The following IDI1 variants were observed in gnomAD, a reference collection of about 807,000 sequenced individuals.
The protein encoded by IDI1 is isopentenyl-diphosphate Delta-isomerase 1.
IDI1 carries 23 observed loss-of-function variants against 32.9 expected under a neutral mutation model. The ratio of observed to expected loss-of-function variants is 0.70; its 90% CI spans 0.50 to 0.99. The LOEUF is 0.99. Ranked by LOEUF, IDI1 falls within the 50% of genes least tolerant of loss-of-function variation. IDI1 has a pLI of 0.00. For synonymous variants in IDI1, 133 were observed against 128.2 expected (o/e 1.04, Z -0.25); for missense variants, 326 against 351.9 (o/e 0.93, Z 0.59).
In IDI1 at chr10:1,044,137, G is replaced by A. The variant is rs754551250; in HGVS notation, c.175C>T (p.Pro59Ser). ...TCGAGGTGGTTAGTGTTTATTTCAG[G>A]CATCATTACAAAATGTCTGATCTGT... Reference protein sequence around the residue: ...LEQIRHFVMMPEINTNHLDKQ... With the variant: ...LEQIRHFVMMSEINTNHLDKQ... Residue 59 changes from proline to serine, a missense_variant, in exon 2 of 5, where the codon CCT becomes TCT. Coordinates refer to ENST00000381344, the MANE Select transcript of IDI1 (RefSeq NM_004508.4). The A allele has an allele frequency of 2.5e-6, 4 of 1,613,346 alleles. No individual in the cohort carries two copies. Among genetic ancestry groups the A allele is most frequent in the Non-Finnish European group, 2.5e-6 (3 of 1,179,416 alleles).
At position 1,048,906 on chromosome 10, in the gene IDI1, C is replaced by T. The variant is rs771316851; in HGVS notation, c.98G>A (p.Arg33His). The stretch of plus-strand genomic sequence containing the variant: ...ACAGACAACCGCCGGTCCCGGATGG[C>T]GCCCGCTTTGAGCACAGTCTGCGGC... The part of the protein sequence containing the change: ...VRAADCAQSG[R>H]HPGPAVVCGR... The change falls in exon 1 of 5, where the codon CGC becomes CAC. Residue 33 changes from arginine to histidine, a missense_variant. Coordinates refer to ENST00000381344, the MANE Select transcript of IDI1 (RefSeq NM_004508.4). 15 of 1,605,766 alleles carry T rather than the reference C, an allele frequency of 9.3e-6. No individual in the cohort carries two copies. In the African/African-American group the frequency reaches 1.6e-4, roughly 17 times the overall value.
At chr10:1,042,062 C>T (rs1280946497) in intron 4 of IDI1, among the ~76,000 whole-genome samples, 1 of 152,168 alleles carries the variant, frequency 6.6e-6, no homozygotes, top group East Asian at 1.9e-4. Flanking sequence ...CTGCCTCAGC[C>T]TCCCAAAGTG....
intron 1 of IDI1, chr10:1,048,388 C>A: frequency 1.5e-6 from 2 of 1,304,754 alleles, no homozygotes; most frequent in Non-Finnish European, 2.0e-6. Flanking sequence ...GTTGCTGTCA[C>A]CCTCTTGCAC....
chr10:1,046,246 T>A (rs552948463), intron 1 of IDI1, among the ~76,000 whole-genome samples: 1 of 152,340 alleles, frequency 6.6e-6, no homozygotes, highest in Non-Finnish European at 1.5e-5. Context: ...ACAGACTGCA[T>A]ATACTACAGT....
chr10:1,054,317 T>C, the IDI1 span, among the ~76,000 whole-genome samples: 3 of 152,210 alleles, frequency 2.0e-5, no homozygotes, highest in Admixed American at 6.5e-5. Flanking sequence ...CACACATATA[T>C]ATAACTTGAG....
chr10:1,044,043 G>C lies in IDI1; in HGVS notation c.269C>G (p.Ala90Gly). The C allele has an allele frequency of 6.2e-7, 1 of 1,613,180 alleles. No individual in the cohort carries two copies. Among genetic ancestry groups the C allele is most frequent in the Non-Finnish European group, 8.5e-7 (1 of 1,179,684 alleles). The change falls in exon 2 of 5, where the codon GCT becomes GGT. Residue 90 changes from alanine (A) to glycine (G), a missense_variant. By Grantham distance (60) the Ala-to-Gly change is moderately conservative. Transcript: ENST00000381344. The stretch of plus-strand genomic sequence containing the variant: ...CAGGTGACAATTCTTCTTGGTCTCA[G>C]CTCCAATTTTATTGTCATTTTCATC... ...LIDENDNKIGAETKKNCHLNE... is the reference protein window; with the variant it reads ...LIDENDNKIGGETKKNCHLNE...
chr10:1,047,901 T>A (rs1037770932), intron 1 of IDI1, among the ~76,000 whole-genome samples: 18 of 152,260 alleles, frequency 1.2e-4, no homozygotes, highest in African/African-American at 4.3e-4. Flanking sequence ...TATTTTATAA[T>A]GTGCAGTTGG....
Position 1,048,553 on chromosome 10 carries a change from G to A in IDI1, c.140+311C>T, listed in dbSNP as rs149371909. The stretch of plus-strand genomic sequence containing the variant: ...TTAGTCTCCTGCGACTCGGTTTCCA[G>A]TTCCACGAGTTCCTAAACCTCAGGT... On this transcript the variant is annotated intron_variant, in intron 1 of 4. Transcript: ENST00000381344. 3.5e-3 allele frequency: 4,682 copies of A among 1,324,016 alleles called. 11 individuals carry two copies. Among genetic ancestry groups the A allele is most frequent in the Middle Eastern group, 4.7e-3 (16 of 3,386 alleles). The allele number at this position is 1,324,016 out of a possible 1,614,324, so 82.0% of individuals were successfully genotyped here.
intron 1 of IDI1, chr10:1,048,502 A>C: frequency 8.0e-7 from 1 of 1,247,320 alleles, no homozygotes; most frequent in Admixed American, 3.3e-5. Context: ...TTGTTTCTGA[A>C]TTCTCTAAGG....
At chr10:1,043,973 CAAGA>C (rs1832711458) in intron 2 of IDI1, 22 bp downstream of exon 2, 1 of 1,597,918 alleles carries the variant, frequency 6.3e-7, no homozygotes, top group Non-Finnish European at 8.5e-7. Context: ...AATCGCTTTA[CAAGA>C]AAGACTGTTT....
upstream of IDI1, among the ~76,000 whole-genome samples, chr10:1,051,375 G>C (rs1833008967): frequency 6.6e-6 from 1 of 152,194 alleles, no homozygotes; most frequent in South Asian, 2.1e-4. Context: ...TTGGCAACAA[G>C]TACTGAGAAT....
At position 1,048,974 on chromosome 10, in the gene IDI1, C is replaced by A. The variant is rs1164462572; in HGVS notation, c.30G>T (p.Ala10=). 5 of 1,541,010 alleles carry A rather than the reference C, an allele frequency of 3.2e-6. No individual in the cohort carries two copies. The highest frequency in any genetic ancestry group is 1.4e-5 in the African/African-American group (1 of 71,436). The change falls in exon 1 of 5, where the codon GCG becomes GCT. Residue 10 remains alanine (A), a synonymous_variant. Coordinates refer to ENST00000381344, the MANE Select transcript of IDI1 (RefSeq NM_004508.4). The part of the protein sequence containing the change: MWRGLALAR[A]IGCAARGRGQ... The stretch of plus-strand genomic sequence containing the variant: ...CCCGCCCCCGGGCCGCGCAGCCAAT[C>A]GCTCGCGCCAGCGCCAGTCCACGCC...
intron 1 of IDI1, 181 bp downstream of exon 1, chr10:1,048,683 C>G (rs1832879103): frequency 7.1e-7 from 1 of 1,414,814 alleles, no homozygotes; most frequent in East Asian, 2.7e-5. Flanking sequence ...CCCACCACAG[C>G]CCGGGAAGGC....
the IDI1 span, among the ~76,000 whole-genome samples, chr10:1,054,337 AG>A: frequency 1.3e-5 from 2 of 152,240 alleles, no homozygotes; most frequent in East Asian, 3.8e-4. Context: ...GAATTTAGGA[AG>A]CGACATGTCA....
chr10:1,050,017 C>T (rs193007133), upstream of IDI1, among the ~76,000 whole-genome samples: 973 of 152,272 alleles, frequency 6.4e-3, 13 homozygotes, highest in Non-Finnish European at 4.8e-3. Flanking sequence ...ATTTCCTCTA[C>T]CTTTTGTGTG....
intron 1 of IDI1, 138 bp downstream of exon 1, chr10:1,048,726 G>A (rs2131584053): frequency 2.8e-6 from 4 of 1,430,196 alleles, no homozygotes; most frequent in East Asian, 2.7e-5. Flanking sequence ...GACCAACGCC[G>A]CCACCCCCAG....
downstream of IDI1, chr10:1,039,280 G>GT (rs1832481191): frequency 6.5e-6 from 1 of 155,012 alleles, no homozygotes; most frequent in Non-Finnish European, 1.4e-5. Flanking sequence ...CCAGGGCCAA[G>GT]TAAGAAGAAA....
chr10:1,054,104 ATT>A (rs1833084496), upstream of IDI1, among the ~76,000 whole-genome samples: 1 of 152,232 alleles, frequency 6.6e-6, no homozygotes, highest in South Asian at 2.1e-4. Context: ...ACTATAACTG[ATT>A]TAATAACGGA....
rs1354358906 is a variant in IDI1, at chr10:1,041,397, A to G, written c.645T>C (p.Asn215=). 12 of 1,612,360 alleles carry G rather than the reference A, an allele frequency of 7.4e-6. No individual in the cohort carries two copies. Among genetic ancestry groups the G allele is most frequent in the Non-Finnish European group, 1.0e-5 (12 of 1,178,492 alleles). ...EIDYILLVRK[N]VTLNPDPNEI... ...CATTGGGATCTGGATTCAAAGTTAC[A>G]TTCTTCCTCACCAACAAAATGTAAT... is the stretch of plus-strand genomic sequence containing the variant. Residue 215 remains asparagine, a synonymous_variant, in exon 5 of 5, where the codon AAT becomes AAC. Transcript: ENST00000381344.
Sources: allele counts gnomAD v4.1 joint callset (sites outside exome capture counted in the v4.1 genomes callset), GRCh38; gene constraint gnomAD v4.1.1; transcripts MANE v1.5; gene names NCBI Gene and HGNC (gene_info 2026-07-23, HGNC 2026-07-21).